ZNF679: variants seen among roughly 807,000 people sequenced by gnomAD.
The protein encoded by ZNF679 is hypothetical protein MGC42415.
Under a neutral mutation model 13.4 loss-of-function variants are expected in ZNF679, and 10 were observed. The observed-to-expected ratio is 0.75, with a 90% CI of 0.46 to 1.27. The LOEUF (loss-of-function observed/expected upper bound fraction) is 1.27, where lower values mean the gene tolerates loss of function less well. ZNF679 is among the 50% of genes most tolerant of loss of function. The pLI, the probability that ZNF679 is intolerant of heterozygous loss-of-function variation, is 0.00. For missense variants in ZNF679, 525 were observed against 477.8 expected, an observed-to-expected ratio of 1.10 and a Z score of -0.92; for synonymous variants, 179 against 162.5, an observed-to-expected ratio of 1.10 and a Z score of -0.77.
rs1343737061 is a variant in ZNF679, at chr7:64,242,083, T to C, written c.-90-6945T>C. The stretch of plus-strand genomic sequence containing the variant: ...CAGCCCGAACCCCACTTATAAACAG[T>C]GTCCCAGTAGGGGAGTCACAGCCTC... On this transcript the variant is annotated intron_variant, in intron 1 of 4. Coordinates refer to ENST00000421025, the MANE Select transcript of ZNF679 (RefSeq NM_153363.3). Among the ~76,000 whole-genome samples, 4 of 152,302 alleles carry C rather than the reference T, an allele frequency of 2.6e-5. No homozygotes were observed. The East Asian group carries it at 5.8e-4, about 22-fold the overall frequency.
At chr7:64,257,210 G>A (rs1788015745) in intron 2 of ZNF679, among the ~76,000 whole-genome samples, 2 of 152,182 alleles carry the variant, frequency 1.3e-5, no homozygotes, top group African/African-American at 4.8e-5. Context: ...ACTCTTTGGT[G>A]TGGATGTGTA....
At chr7:64,236,526 G>A (rs139413434) in intron 1 of ZNF679, among the ~76,000 whole-genome samples, 138 of 152,122 alleles carry the variant, frequency 9.1e-4, no homozygotes, top group African/African-American at 3.2e-3. Context: ...CCTCACTCCT[G>A]TAATCCCAGC....
intron 2 of ZNF679, among the ~76,000 whole-genome samples, chr7:64,249,358 T>C (rs1787912906): frequency 6.6e-6 from 1 of 152,192 alleles, no homozygotes; most frequent in Non-Finnish European, 1.5e-5. Context: ...GGAATTCTTT[T>C]TCCTTTGCAG....
At chr7:64,260,161 C>A in intron 2 of ZNF679, 60 bp from the exon 3 acceptor site, 4 of 1,469,462 alleles carry the variant, frequency 2.7e-6, no homozygotes, top group Non-Finnish European at 2.8e-6. Context: ...CTGCCTACGG[C>A]CACATAGTAA....
At chr7:64,254,903 G>A (rs1787983560) in intron 2 of ZNF679, among the ~76,000 whole-genome samples, 1 of 150,190 alleles carries the variant, frequency 6.7e-6, no homozygotes, top group Admixed American at 6.8e-5. Context: ...AGGAGGCTGA[G>A]GCAGGAGAAT....
chr7:64,264,312 A>C (rs1415399896), intron 4 of ZNF679, among the ~76,000 whole-genome samples: 1 of 152,000 alleles, frequency 6.6e-6, no homozygotes, highest in Admixed American at 6.6e-5. Context: ...TACCCTATAC[A>C]TCTTATTGAT....
rs535620208 is a variant in ZNF679, at chr7:64,248,937, A to G, written c.-90-91A>G. On this transcript the variant is annotated intron_variant, in intron 1 of 4. Transcript: ENST00000421025. Reference sequence around the variant, plus strand: ...CTGAAACCTTATCCAATCAGGGGCCATATATTAGAAACTGTACAATCAGGC... The same window carrying G: ...CTGAAACCTTATCCAATCAGGGGCCGTATATTAGAAACTGTACAATCAGGC... 101 of 879,552 alleles carry G rather than the reference A, an allele frequency of 1.1e-4. 1 individual carries two copies. The highest frequency in any genetic ancestry group is 1.5e-4 in the Non-Finnish European group (84 of 577,436). The allele number at this position is 879,552 out of a possible 1,614,324, so 54.5% of individuals were successfully genotyped here. A position where few individuals can be genotyped will look rare whatever the true frequency, so the allele number is the denominator to read the frequency against.
At chr7:64,232,023 A>G (rs1306551485) in intron 1 of ZNF679, among the ~76,000 whole-genome samples, 2 of 152,248 alleles carry the variant, frequency 1.3e-5, no homozygotes, top group East Asian at 1.9e-4. Context: ...CTCCACCTGC[A>G]CACAGTGTCT....
chr7:64,245,575 T>C (rs1787858367), intron 1 of ZNF679, among the ~76,000 whole-genome samples: 2 of 152,146 alleles, frequency 1.3e-5, no homozygotes, highest in African/African-American at 4.8e-5. Flanking sequence ...TTGTTGGTTG[T>C]GAAAGAATCT....
intron 1 of ZNF679, among the ~76,000 whole-genome samples, chr7:64,236,351 C>CA (rs1787711444): frequency 6.6e-6 from 1 of 151,734 alleles, no homozygotes; most frequent in South Asian, 2.1e-4. Flanking sequence ...TAAGCAGGCC[C>CA]AAAAAATTTA....
At chr7:64,238,017 T>G (rs1787750378) in intron 1 of ZNF679, among the ~76,000 whole-genome samples, 1 of 152,176 alleles carries the variant, frequency 6.6e-6, no homozygotes, top group South Asian at 2.1e-4. Context: ...CAAAGAAAGA[T>G]CCTTACCATT....
At chr7:64,246,305 G>A (rs552656335) in intron 1 of ZNF679, among the ~76,000 whole-genome samples, 1 of 152,260 alleles carries the variant, frequency 6.6e-6, no homozygotes, top group Admixed American at 6.5e-5. Flanking sequence ...GCCAATTGGC[G>A]ATTCAGTCTA....
At position 64,260,931 on chromosome 7, in the gene ZNF679, TAAGTGAGAGTGGATG is replaced by T. The variant is rs1788068544; in HGVS notation, c.262+6_262+20del. ...ATGAGATGGTAACCAAACACCCAGG[TAAGTGAGAGTGGATG>T]AAGCGGATGACACAGATGAGAGGTG... On this transcript the variant is annotated splice_donor_5th_base_variant and intron_variant, in intron 4 of 4. Transcript: ENST00000421025. 6.2e-7 allele frequency: 1 copy of T among 1,608,362 alleles called. No homozygotes were observed. The highest frequency in any genetic ancestry group is 1.7e-5 in the Admixed American group (1 of 58,898).
chr7:64,236,926 A>AAAG (rs1787724690), intron 1 of ZNF679, among the ~76,000 whole-genome samples: 1 of 33,946 alleles, frequency 2.9e-5, no homozygotes, highest in Non-Finnish European at 5.2e-5. Flanking sequence ...AAGAAAGAAG[A>AAAG]AAGAAAGAAA....
At chr7:64,239,014 T>C (rs1787760985) in intron 1 of ZNF679, among the ~76,000 whole-genome samples, 1 of 152,052 alleles carries the variant, frequency 6.6e-6, no homozygotes, top group African/African-American at 2.4e-5. Flanking sequence ...CCCATGCATA[T>C]CCAATAAACC....
intron 1 of ZNF679, among the ~76,000 whole-genome samples, chr7:64,236,803 A>G (rs995380263): frequency 6.6e-6 from 1 of 151,558 alleles, no homozygotes; most frequent in Admixed American, 6.6e-5. Flanking sequence ...AGAAGGAAAG[A>G]AAAAGAAAGA....
intron 1 of ZNF679, among the ~76,000 whole-genome samples, chr7:64,245,060 C>T (rs1449142356): frequency 6.6e-6 from 1 of 152,170 alleles, no homozygotes; most frequent in African/African-American, 2.4e-5. Flanking sequence ...GAGTCTTGCT[C>T]TGTCTCCCAG....
rs1788135439 is a variant in ZNF679 at position 64,265,781 on chromosome 7, T to TACCACATACC, written c.263-114_263-113insCCACATACCA. On this transcript the variant is annotated intron_variant, in intron 4 of 4. Coordinates refer to ENST00000421025, the MANE Select transcript of ZNF679 (RefSeq NM_153363.3). The stretch of plus-strand genomic sequence containing the variant: ...CCTATGAAGGAATTATGGCCTGTGG[T>TACCACATACC]AATTTGATATGCCATTTTGCTAAAG... 2.9e-5 allele frequency: 34 copies of TACCACATACC among 1,166,102 alleles called. No individual in the cohort carries two copies. The Admixed American group carries it at 9.7e-4, about 33-fold the overall frequency. The allele number at this position is 1,166,102 out of a possible 1,614,324, so 72.2% of individuals were successfully genotyped here.
chr7:64,265,231 A>C (rs1788127963), intron 4 of ZNF679, among the ~76,000 whole-genome samples: 1 of 152,128 alleles, frequency 6.6e-6, no homozygotes. Context: ...CATAGCCTGA[A>C]ACCAATTTTC....
Sources: allele counts gnomAD v4.1 joint callset (sites outside exome capture counted in the v4.1 genomes callset), GRCh38; gene constraint gnomAD v4.1.1; transcripts MANE v1.5; gene names NCBI Gene and HGNC (gene_info 2026-07-23, HGNC 2026-07-21).